The following GPHN variants were observed in gnomAD, a reference collection of about 807,000 sequenced individuals.
GPHN encodes gephyrin.
A neutral mutation model predicts 95.5 loss-of-function variants in GPHN; 17 were observed. The ratio of observed to expected loss-of-function variants is 0.18; its 90% CI spans 0.12 to 0.27. The LOEUF (loss-of-function observed/expected upper bound fraction) is 0.27, where lower values mean the gene tolerates loss of function less well. Ranked by LOEUF, GPHN falls within the 10% of genes least tolerant of loss-of-function variation. GPHN has a pLI of 1.00. For missense variants in GPHN, 660 were observed against 978.1 expected, an observed-to-expected ratio of 0.67 and a Z score of 4.34; for synonymous variants, 320 against 322.5, an observed-to-expected ratio of 0.99 and a Z score of 0.08.
intron 4 of GPHN, among the ~76,000 whole-genome samples, chr14:66,860,185 C>A (rs542823518): frequency 1.3e-5 from 2 of 152,122 alleles, no homozygotes; most frequent in Non-Finnish European, 2.9e-5. Flanking sequence ...TAATTAAACT[C>A]CCAAAATTCA....
At chr14:66,789,517 A>G (rs935802140) in intron 3 of GPHN, among the ~76,000 whole-genome samples, 7 of 152,200 alleles carry the variant, frequency 4.6e-5, no homozygotes, top group African/African-American at 1.7e-4. Context: ...TACTGGCTTT[A>G]GGGTTGATCC....
intron 1 of GPHN, among the ~76,000 whole-genome samples, chr14:66,671,308 G>T (rs2066295279): frequency 1.3e-5 from 2 of 152,178 alleles, no homozygotes; most frequent in Admixed American, 1.3e-4. Context: ...GTTCTCAGTT[G>T]TAGAGTTAAA....
chr14:67,544,203 G>A, the GPHN span, among the ~76,000 whole-genome samples: 1 of 152,200 alleles, frequency 6.6e-6, no homozygotes, highest in African/African-American at 2.4e-5. Context: ...CACTGGCACA[G>A]GAGATGACAA....
intron 1 of GPHN, chr14:66,509,339 C>G (rs1242098014): frequency 6.6e-6 from 1 of 152,336 alleles, no homozygotes; most frequent in Non-Finnish European, 1.5e-5. Context: ...CAGGATTCCC[C>G]TACTCGGGCT....
chr14:67,622,407 T>G, the GPHN span, among the ~76,000 whole-genome samples: 1 of 152,260 alleles, frequency 6.6e-6, no homozygotes, highest in Non-Finnish European at 1.5e-5. Context: ...GTCCTTCATA[T>G]ACCTCCACCT....
intron 21 of GPHN, among the ~76,000 whole-genome samples, chr14:67,173,212 C>T (rs1012716084): frequency 2.0e-5 from 3 of 152,194 alleles, no homozygotes; most frequent in African/African-American, 7.2e-5. Flanking sequence ...GACCCTGGCC[C>T]CACATCCACT....
At chr14:66,751,882 A>G (rs1566905137) in intron 2 of GPHN, among the ~76,000 whole-genome samples, 1 of 152,110 alleles carries the variant, frequency 6.6e-6, no homozygotes, top group Non-Finnish European at 1.5e-5. Context: ...CCTAGATGGT[A>G]TCTTCTTCCA....
At chr14:66,646,292 GAAAAC>G (rs1417928820) in intron 1 of GPHN, among the ~76,000 whole-genome samples, 5 of 152,074 alleles carry the variant, frequency 3.3e-5, no homozygotes. Flanking sequence ...TGTAAAAAAA[GAAAAC>G]AAAACCAGAA....
the GPHN span, among the ~76,000 whole-genome samples, chr14:67,305,380 A>G: frequency 6.6e-6 from 1 of 152,144 alleles, no homozygotes; most frequent in African/African-American, 2.4e-5. Flanking sequence ...CCTGGGCTCA[A>G]GCAGTCCTCC....
At chr14:67,577,277 C>T in the GPHN span, 1 of 1,480,174 alleles carries the variant, frequency 6.8e-7, no homozygotes, top group Non-Finnish European at 9.2e-7. Context: ...ACTGCCCTTG[C>T]TCTCTGGTTC....
chr14:67,597,541 T>A, the GPHN span, among the ~76,000 whole-genome samples: 1 of 152,096 alleles, frequency 6.6e-6, no homozygotes, highest in Admixed American at 6.6e-5. Context: ...GCTAGATAAT[T>A]ATTTGTTGAT....
At chr14:66,641,214 A>C (rs903748230) in intron 1 of GPHN, among the ~76,000 whole-genome samples, 2 of 152,234 alleles carry the variant, frequency 1.3e-5, no homozygotes, top group African/African-American at 4.8e-5. Flanking sequence ...CACATTCAGT[A>C]GAAGCTATGC....
chr14:67,258,405 G>A, the GPHN span, among the ~76,000 whole-genome samples: 2 of 152,100 alleles, frequency 1.3e-5, no homozygotes, highest in Non-Finnish European at 2.9e-5. Context: ...CTGTAGTGGT[G>A]GGTGCCTGTA....
the GPHN span, chr14:67,685,308 C>T: frequency 2.4e-6 from 2 of 842,208 alleles, no homozygotes; most frequent in African/African-American, 3.4e-5. Flanking sequence ...CACATATGGA[C>T]TCTTTTGCCC....
At chr14:67,491,625 C>T in the GPHN span, among the ~76,000 whole-genome samples, 408 of 152,306 alleles carry the variant, frequency 2.7e-3, 3 homozygotes, top group Admixed American at 4.0e-3. Flanking sequence ...GCACCCTGAC[C>T]CAGGTGCCCA....
intron 2 of GPHN, among the ~76,000 whole-genome samples, chr14:66,751,869 A>T (rs772594532): frequency 6.6e-6 from 1 of 152,202 alleles, no homozygotes; most frequent in South Asian, 2.1e-4. Flanking sequence ...TCTATGTGAA[A>T]GTCCTAGATG....
chr14:67,625,648 C>A, the GPHN span, among the ~76,000 whole-genome samples: 1 of 141,508 alleles, frequency 7.1e-6, no homozygotes, highest in East Asian at 2.0e-4. Flanking sequence ...CCATTGCAGT[C>A]CAGCCTGGGC....
chr14:67,524,250 G>A, the GPHN span, among the ~76,000 whole-genome samples: 1 of 152,120 alleles, frequency 6.6e-6, no homozygotes, highest in African/African-American at 2.4e-5. Context: ...ACCAAACCTG[G>A]CTCTGTTTTT....
intron 1 of GPHN, among the ~76,000 whole-genome samples, chr14:66,610,320 C>A (rs1334227267): frequency 6.6e-6 from 1 of 152,072 alleles, no homozygotes; most frequent in Non-Finnish European, 1.5e-5. Context: ...TTTAGAGCAC[C>A]GCTGTCTTCC....
Sources: allele counts gnomAD v4.1 joint callset (sites outside exome capture counted in the v4.1 genomes callset), GRCh38; gene constraint gnomAD v4.1.1; transcripts MANE v1.5; gene names NCBI Gene and HGNC (gene_info 2026-07-23, HGNC 2026-07-21).